The following THSD7A variants were observed in gnomAD, a reference collection of about 807,000 sequenced individuals.
THSD7A encodes the protein thrombospondin type-1 domain-containing protein 7A.
A neutral mutation model predicts 231.3 loss-of-function variants in THSD7A; 96 were observed. That is an observed-to-expected ratio of 0.41 (90% CI 0.35 to 0.49). THSD7A has a LOEUF of 0.49. THSD7A is among the 20% of genes least tolerant of loss of function. The probability of loss-of-function intolerance (pLI) is 0.05; values close to 1 mark genes in which losing one functional copy is unlikely to be tolerated. For missense variants in THSD7A, 2,290 were observed against 2,070.2 expected (o/e 1.11, Z -2.06); for synonymous variants, 940 against 743.3 (o/e 1.26, Z -4.30).
intron 4 of THSD7A, among the ~76,000 whole-genome samples, chr7:11,570,181 G>A (rs944726672): frequency 6.6e-6 from 1 of 151,620 alleles, no homozygotes; most frequent in Non-Finnish European, 1.5e-5. Flanking sequence ...AAGAAAAAAA[G>A]AAAGAAAAGA....
At chr7:11,449,348 T>C (rs1172016512) in intron 11 of THSD7A, among the ~76,000 whole-genome samples, 3 of 152,076 alleles carry the variant, frequency 2.0e-5, no homozygotes, top group Non-Finnish European at 4.4e-5. Flanking sequence ...GATAATGAGA[T>C]ACCTGCTATG....
At chr7:11,727,484 T>C (rs905256644) in intron 1 of THSD7A, among the ~76,000 whole-genome samples, 1 of 151,972 alleles carries the variant, frequency 6.6e-6, no homozygotes, top group Non-Finnish European at 1.5e-5. Context: ...AAATCACCTA[T>C]AGAAATACTT....
intron 4 of THSD7A, among the ~76,000 whole-genome samples, chr7:11,557,849 A>C (rs564471775): frequency 3.9e-5 from 6 of 152,136 alleles, no homozygotes; most frequent in Admixed American, 6.6e-5. Flanking sequence ...GCCTTCTCTA[A>C]CACCACCTAG....
In THSD7A at chr7:11,444,783, CTG is replaced by C. The variant is rs34985878; in HGVS notation, c.3064+1276_3064+1277del. Among the ~76,000 whole-genome samples the C allele has an allele frequency of 0.026, 3,808 of 144,450 alleles. 114 individuals are homozygous for C. The highest frequency in any genetic ancestry group is 0.088 in the Admixed American group (1,257 of 14,244). The allele number at this position is 144,450 out of a possible 152,430, so 94.8% of individuals were successfully genotyped here. ...AAGAGAGGGGGCACAGTTGTCTGCT[CTG>C]TGTGTGTGTGTGTGTGTGTGTGTAT... On this transcript the variant is annotated intron_variant, in intron 13 of 27. Coordinates refer to ENST00000423059, the MANE Select transcript of THSD7A (RefSeq NM_015204.3). This position sits in a 1 kb window ranked among gnomAD's most constrained non-coding sequence, Gnocchi z 4.2.
intron 22 of THSD7A, among the ~76,000 whole-genome samples, chr7:11,404,608 A>G (rs1783521000): frequency 6.6e-6 from 1 of 152,180 alleles, no homozygotes; most frequent in South Asian, 2.1e-4. Flanking sequence ...ATTTTATTGA[A>G]TTGTGTGTGA....
intron 19 of THSD7A, among the ~76,000 whole-genome samples, chr7:11,408,981 G>A (rs1270043918): frequency 6.6e-6 from 1 of 152,124 alleles, no homozygotes; most frequent in African/African-American, 2.4e-5. Context: ...TTGAATCACA[G>A]GATTCAATTA....
chr7:11,497,941 C>T (rs1430053608), intron 6 of THSD7A, among the ~76,000 whole-genome samples: 1 of 152,136 alleles, frequency 6.6e-6, no homozygotes, highest in East Asian at 1.9e-4. Flanking sequence ...CAGATCTTTG[C>T]AACCCTTGGG....
Position 11,504,704 on chromosome 7 carries a change from T to A in THSD7A, c.1823-22722A>T, listed in dbSNP as rs532986823. On this transcript the variant is annotated intron_variant, in intron 6 of 27. Coordinates refer to ENST00000423059, the MANE Select transcript of THSD7A (RefSeq NM_015204.3). Reference sequence around the variant, plus strand: ...CATTCATCTTGGGCCAAATTTTTCATGATTGTGATAATCATTTAGCAAAAT... The same window carrying A: ...CATTCATCTTGGGCCAAATTTTTCAAGATTGTGATAATCATTTAGCAAAAT... Among the ~76,000 whole-genome samples, 4 of 152,300 alleles carry A rather than the reference T, an allele frequency of 2.6e-5. No individual in the cohort carries two copies. In the South Asian group the frequency reaches 8.3e-4, roughly 32 times the overall value.
At chr7:11,383,889 T>C (rs1782624065) in intron 23 of THSD7A, 1 of 151,992 alleles carries the variant, frequency 6.6e-6, no homozygotes, top group Non-Finnish European at 1.5e-5. Flanking sequence ...GAGGATTTCC[T>C]CTTTGCAACT....
At chr7:11,809,893 T>C (rs151161360) in intron 1 of THSD7A, among the ~76,000 whole-genome samples, 1 of 152,278 alleles carries the variant, frequency 6.6e-6, no homozygotes, top group East Asian at 1.9e-4. Flanking sequence ...TTTGATTTTA[T>C]TCTATATTTT....
chr7:11,440,905 T>G (rs939662439), intron 13 of THSD7A, among the ~76,000 whole-genome samples: 1 of 152,032 alleles, frequency 6.6e-6, no homozygotes, highest in Non-Finnish European at 1.5e-5. Flanking sequence ...AGTTCCACAG[T>G]GGGTAAAATG....
chr7:11,628,422 C>G (rs1781542572), intron 2 of THSD7A, among the ~76,000 whole-genome samples: 1 of 152,200 alleles, frequency 6.6e-6, no homozygotes, highest in Non-Finnish European at 1.5e-5. Flanking sequence ...CTTTGGCCAT[C>G]TCCATCCTAG....
At chr7:11,743,617 C>G (rs1012440671) in intron 1 of THSD7A, among the ~76,000 whole-genome samples, 35 of 151,862 alleles carry the variant, frequency 2.3e-4, no homozygotes, top group Admixed American at 2.0e-3. Flanking sequence ...ATTTTAGAGG[C>G]AAATTATCAC....
At position 11,694,461 on chromosome 7, in the gene THSD7A, A is replaced by G. The variant is rs184236763; in HGVS notation, c.191-57500T>C. Among the ~76,000 whole-genome samples, 1,015 of 151,688 alleles carry G rather than the reference A, an allele frequency of 6.7e-3. 7 individuals are homozygous for G. The highest frequency in any genetic ancestry group is 0.011 in the Non-Finnish European group (714 of 67,708). On this transcript the variant is annotated intron_variant, in intron 1 of 27. Coordinates refer to ENST00000423059, the MANE Select transcript of THSD7A (RefSeq NM_015204.3). ...TTCTATCTCCATTGTAGAGTTTCCA[A>G]CTTAAACAGATGACCAAGATTATTC...
At chr7:11,768,049 A>G (rs1215259808) in intron 1 of THSD7A, among the ~76,000 whole-genome samples, 1 of 152,194 alleles carries the variant, frequency 6.6e-6, no homozygotes, top group Non-Finnish European at 1.5e-5. Flanking sequence ...AAGGATTTAG[A>G]ATAAATGTAA....
rs1491498776 is a variant in THSD7A, at chr7:11,567,265, C to CCA, written c.1453+23194_1453+23195insTG. The stretch of plus-strand genomic sequence containing the variant: ...AAGGTGAAGAGGAAGCAAGACACTT[C>CCA]CCCCTCAAGGCAGCAGAAAAGACAA... On this transcript the variant is annotated intron_variant, in intron 4 of 27. Coordinates refer to ENST00000423059, the MANE Select transcript of THSD7A (RefSeq NM_015204.3). 5.9e-5 allele frequency among the ~76,000 whole-genome samples: 9 copies of CCA among 151,604 alleles called. No individual in the cohort carries two copies. The East Asian group carries it at 1.7e-3, about 29-fold the overall frequency.
chr7:11,405,650 C>G (rs542242416), intron 22 of THSD7A, among the ~76,000 whole-genome samples: 2 of 152,260 alleles, frequency 1.3e-5, no homozygotes, highest in South Asian at 4.1e-4. Flanking sequence ...TTTTTCCATA[C>G]TATTTGATAA....
intron 1 of THSD7A, among the ~76,000 whole-genome samples, chr7:11,738,650 T>C (rs1161435971): frequency 6.6e-6 from 1 of 151,982 alleles, no homozygotes; most frequent in African/African-American, 2.4e-5. Flanking sequence ...GCAATCCCTA[T>C]GATCTGTGAT....
intron 1 of THSD7A, among the ~76,000 whole-genome samples, chr7:11,695,133 G>A (rs1048714754): frequency 2.0e-5 from 3 of 151,456 alleles, no homozygotes; most frequent in Non-Finnish European, 4.4e-5. Flanking sequence ...TATTAAACCA[G>A]CTATATCTGA....
Sources: allele counts gnomAD v4.1 joint callset (sites outside exome capture counted in the v4.1 genomes callset), GRCh38; gene constraint gnomAD v4.1.1; non-coding constraint Gnocchi (gnomAD v3.1); transcripts MANE v1.5; gene names NCBI Gene and HGNC (gene_info 2026-07-23, HGNC 2026-07-21).